The following FRMD5 variants were observed in gnomAD, a reference collection of about 807,000 sequenced individuals.
The protein encoded by FRMD5 is FERM domain containing 5, also known as FERM domain-containing protein 5.
A neutral mutation model predicts 69.0 loss-of-function variants in FRMD5; 20 were observed. That is an observed-to-expected ratio of 0.29 (90% CI 0.20 to 0.42). The LOEUF is 0.42. Among genes scored for constraint, FRMD5 ranks in the 10% least tolerant of loss-of-function variants. The pLI is 1.00. For synonymous variants in FRMD5, 271 were observed against 260.1 expected (o/e 1.04, Z -0.40); for missense variants, 595 against 708.6 (o/e 0.84, Z 1.82).
intron 1 of FRMD5, among the ~76,000 whole-genome samples, chr15:44,061,672 CA>C (rs1228968599): frequency 1.3e-5 from 2 of 152,180 alleles, no homozygotes; most frequent in African/African-American, 4.8e-5. Context: ...GTTAACTTTT[CA>C]AAAACTATTA....
At position 43,875,363 on chromosome 15, in the gene FRMD5, A is replaced by AAT. The variant is rs749584177; in HGVS notation, c.1136-903_1136-902dup. Among the ~76,000 whole-genome samples the AAT allele has an allele frequency of 4.1e-3, 436 of 105,264 alleles. 5 individuals carry two copies. Among genetic ancestry groups the AAT allele is most frequent in the African/African-American group, 9.9e-3 (245 of 24,730 alleles). 69.1% of individuals were successfully genotyped at this position (105,264 alleles called of 152,430 possible). A position where few individuals can be genotyped will look rare whatever the true frequency, so the allele number is the denominator to read the frequency against. On this transcript the variant is annotated intron_variant, in intron 13 of 13. Coordinates refer to ENST00000417257, the MANE Select transcript of FRMD5 (RefSeq NM_032892.5). ...AAGACTGTCTCAAAAAAAAAAAAAAAATATATATATATATATATATATATA... is the reference window on the plus strand; with the variant it reads ...AAGACTGTCTCAAAAAAAAAAAAAAAATATATATATATATATATATATATATA...
At chr15:44,182,963 A>T (rs556422201) in intron 1 of FRMD5, among the ~76,000 whole-genome samples, 18 of 142,518 alleles carry the variant, frequency 1.3e-4, no homozygotes, top group African/African-American at 3.6e-4. Context: ...GCCAGGCTAA[A>T]TTTTTTTTTT....
Position 43,905,814 on chromosome 15 carries a change from T to A in FRMD5, c.551+14A>T. ...GAAGCCACAATGTTCTGGGCCTGAT[T>A]AAGTGCCACGTACCTCAGTTCCGTC... is the stretch of plus-strand genomic sequence containing the variant. On this transcript the variant is annotated intron_variant, in intron 6 of 13. Transcript: ENST00000417257. 5.0e-6 allele frequency: 8 copies of A among 1,613,724 alleles called. No individual in the cohort carries two copies. The highest frequency in any genetic ancestry group is 6.8e-6 in the Non-Finnish European group (8 of 1,179,974).
At chr15:44,101,113 C>T (rs1411410537) in intron 1 of FRMD5, among the ~76,000 whole-genome samples, 2 of 150,314 alleles carry the variant, frequency 1.3e-5, no homozygotes, top group African/African-American at 4.9e-5. Context: ...CGCGCCACTG[C>T]ACTCCAGCCT....
rs1410462947 is a variant in FRMD5, at chr15:43,871,924, C to G, written c.*1961G>C. On this transcript the variant is annotated 3_prime_UTR_variant, in exon 14 of 14. Transcript: ENST00000417257. The stretch of plus-strand genomic sequence containing the variant: ...ATGTCAGGCATGGAAACAGAGCTGA[C>G]TGACCCTCTTCTGCTAACATACTGG... 1 of 152,256 alleles carries G rather than the reference C, an allele frequency of 6.6e-6. No individual in the cohort carries two copies. The highest frequency in any genetic ancestry group is 2.4e-5 in the African/African-American group (1 of 41,456). The allele number at this position is 152,256 out of a possible 1,614,324, so 9.4% of individuals were successfully genotyped here.
chr15:43,883,834 G>C, intron 12 of FRMD5, 25 bp from the exon 13 acceptor site: 1 of 1,550,846 alleles, frequency 6.4e-7, no homozygotes, highest in Non-Finnish European at 8.9e-7. Flanking sequence ...AAAGAACCTT[G>C]TTAATTCAGT....
intron 1 of FRMD5, among the ~76,000 whole-genome samples, chr15:43,977,368 C>G (rs1229344603): frequency 1.3e-5 from 2 of 152,094 alleles, no homozygotes; most frequent in African/African-American, 4.8e-5. Flanking sequence ...TCTCACATTC[C>G]CACCTCTTTG....
intron 1 of FRMD5, among the ~76,000 whole-genome samples, chr15:43,999,923 GTATATATATATA>G (rs57166959): frequency 6.9e-5 from 4 of 58,266 alleles, no homozygotes; most frequent in African/African-American, 3.1e-4. Flanking sequence ...GTGTGTGTAT[GTATATATATATA>G]TATATATATA....
chr15:44,178,533 C>T (rs545500660), intron 1 of FRMD5, among the ~76,000 whole-genome samples: 2 of 152,152 alleles, frequency 1.3e-5, no homozygotes, highest in East Asian at 1.9e-4. Context: ...ACAATATAGT[C>T]GAAAACATAT....
intron 4 of FRMD5, among the ~76,000 whole-genome samples, chr15:43,914,823 T>G (rs1396435019): frequency 6.7e-6 from 1 of 149,264 alleles, no homozygotes; most frequent in Non-Finnish European, 1.5e-5. Flanking sequence ...CCTCCCGGGT[T>G]CAAGTGATTC....
intron 13 of FRMD5, among the ~76,000 whole-genome samples, chr15:43,882,830 G>T (rs1344297836): frequency 6.6e-6 from 1 of 151,136 alleles, no homozygotes; most frequent in Non-Finnish European, 1.5e-5. Flanking sequence ...TTGAGACAGA[G>T]TCTCTGTCAC....
intron 1 of FRMD5, among the ~76,000 whole-genome samples, chr15:44,131,849 A>C (rs1310439816): frequency 1.3e-5 from 2 of 152,218 alleles, no homozygotes; most frequent in African/African-American, 4.8e-5. Context: ...GACACCAGGG[A>C]CTGGTTTCAT....
intron 1 of FRMD5, among the ~76,000 whole-genome samples, chr15:44,149,781 A>G (rs751869945): frequency 1.3e-5 from 2 of 152,190 alleles, no homozygotes; most frequent in African/African-American, 4.8e-5. Context: ...AAGGAGGTAG[A>G]GACAGTTCTC....
intron 1 of FRMD5, among the ~76,000 whole-genome samples, chr15:44,134,695 C>T (rs2077156335): frequency 6.6e-6 from 1 of 152,204 alleles, no homozygotes; most frequent in African/African-American, 2.4e-5. Flanking sequence ...AATGATCCAC[C>T]CTCCTCGGCC....
intron 1 of FRMD5, among the ~76,000 whole-genome samples, chr15:44,095,482 G>T (rs1257159023): frequency 6.6e-6 from 1 of 152,158 alleles, no homozygotes. Context: ...TGGGATTACA[G>T]GTGTGAGCCA....
intron 1 of FRMD5, among the ~76,000 whole-genome samples, chr15:44,049,699 T>C (rs1251920693): frequency 6.6e-6 from 1 of 152,214 alleles, no homozygotes; most frequent in East Asian, 1.9e-4. Flanking sequence ...AATCCTTCAG[T>C]CAGTCAACAA....
intron 1 of FRMD5, among the ~76,000 whole-genome samples, chr15:44,151,071 G>A (rs768369580): frequency 1.7e-4 from 26 of 150,120 alleles, no homozygotes; most frequent in Non-Finnish European, 3.3e-4. Context: ...TTGCCTGGGC[G>A]AAAGAGCAAG....
intron 1 of FRMD5, among the ~76,000 whole-genome samples, chr15:44,119,056 G>T (rs972265337): frequency 1.2e-4 from 19 of 152,078 alleles, no homozygotes; most frequent in African/African-American, 4.6e-4. Flanking sequence ...TCGACCTCGT[G>T]GGCTCAAGCA....
At chr15:44,124,803 T>TA (rs2077003847) in intron 1 of FRMD5, among the ~76,000 whole-genome samples, 1 of 152,118 alleles carries the variant, frequency 6.6e-6, no homozygotes, top group Admixed American at 6.5e-5. Context: ...AGAACGGTTA[T>TA]AAAAATTAGG....
Sources: allele counts gnomAD v4.1 joint callset (sites outside exome capture counted in the v4.1 genomes callset), GRCh38; gene constraint gnomAD v4.1.1; transcripts MANE v1.5; gene names NCBI Gene and HGNC (gene_info 2026-07-23, HGNC 2026-07-21).